Variants in TIAM1 observed in about 807,000 individuals in gnomAD.
TIAM1 encodes the protein rho guanine nucleotide exchange factor TIAM1.
A neutral mutation model predicts 163.5 loss-of-function variants in TIAM1; 65 were observed. That is an observed-to-expected ratio of 0.40 (90% confidence interval 0.33 to 0.49). TIAM1 has a LOEUF of 0.49. Ranked by LOEUF, TIAM1 falls within the 20% of genes least tolerant of loss-of-function variation. The pLI is 0.77. For missense variants in TIAM1, 1,789 were observed against 2,044.7 expected, an observed-to-expected ratio of 0.87 and a Z score of 2.41; for synonymous variants, 833 against 810.1, an observed-to-expected ratio of 1.03 and a Z score of -0.48.
chr21:31,552,949 G>C (rs528744733), intron 1 of TIAM1, among the ~76,000 whole-genome samples: 1 of 152,282 alleles, frequency 6.6e-6, no homozygotes, highest in East Asian at 1.9e-4. Context: ...GGAAGTGCAC[G>C]TGGCACCGCC....
intron 1 of TIAM1, among the ~76,000 whole-genome samples, chr21:31,542,689 G>A (rs573036893): frequency 2.0e-5 from 3 of 151,908 alleles, no homozygotes; most frequent in Non-Finnish European, 4.4e-5. Context: ...CCAGGTCCAC[G>A]GTTGGGCACA....
chr21:31,529,155 C>G (rs189787188), intron 1 of TIAM1, among the ~76,000 whole-genome samples: 1,519 of 151,740 alleles, frequency 0.01, 26 homozygotes, highest in African/African-American at 0.035. Flanking sequence ...TCCTGACCTC[C>G]TGATCTGCCC....
chr21:31,484,699 T>C (rs898020923), intron 1 of TIAM1, among the ~76,000 whole-genome samples: 5 of 152,166 alleles, frequency 3.3e-5, no homozygotes, highest in African/African-American at 9.7e-5. Context: ...CCTGAGAGAC[T>C]TTCTAGGACC....
chr21:31,389,853 A>G (rs111275440), intron 2 of TIAM1, among the ~76,000 whole-genome samples: 71 of 152,314 alleles, frequency 4.7e-4, no homozygotes, highest in African/African-American at 1.4e-3. Flanking sequence ...TTATAACTAT[A>G]AATGTCAAGC....
chr21:31,419,536 T>C (rs2043491965), intron 2 of TIAM1, among the ~76,000 whole-genome samples: 1 of 152,194 alleles, frequency 6.6e-6, no homozygotes, highest in African/African-American at 2.4e-5. Context: ...GATGACAGCA[T>C]TTAAAACCCT....
chr21:31,306,763 T>C (rs1193653021), intron 2 of TIAM1, among the ~76,000 whole-genome samples: 1 of 152,208 alleles, frequency 6.6e-6, no homozygotes, highest in Non-Finnish European at 1.5e-5. Flanking sequence ...TGTGCAACTG[T>C]TCCTGACTGA....
chr21:31,236,859 A>G (rs1037090091), intron 6 of TIAM1, among the ~76,000 whole-genome samples: 1 of 152,172 alleles, frequency 6.6e-6, no homozygotes, highest in African/African-American at 2.4e-5. Flanking sequence ...GCTTACAAGT[A>G]AGAACAGGGA....
chr21:31,217,778 C>G, intron 8 of TIAM1, 79 bp from the exon 9 acceptor site: 1 of 1,524,064 alleles, frequency 6.6e-7, no homozygotes, highest in East Asian at 2.3e-5. Context: ...CCCGTAAGTC[C>G]CACCCTTCAA....
At chr21:31,545,973 C>G (rs997530357) in intron 1 of TIAM1, among the ~76,000 whole-genome samples, 1 of 151,930 alleles carries the variant, frequency 6.6e-6, no homozygotes. Context: ...ATACAAGTAA[C>G]TACTACTCAT....
intron 6 of TIAM1, among the ~76,000 whole-genome samples, chr21:31,241,903 G>A (rs2071201253): frequency 1.3e-5 from 2 of 151,838 alleles, no homozygotes; most frequent in Non-Finnish European, 2.9e-5. Flanking sequence ...CCAGCTACTT[G>A]AGAGGCTAAG....
intron 2 of TIAM1, among the ~76,000 whole-genome samples, chr21:31,360,336 T>A (rs2076388011): frequency 6.6e-6 from 1 of 151,818 alleles, no homozygotes; most frequent in African/African-American, 2.4e-5. Flanking sequence ...AAGAAAAAAA[T>A]TTACTATATA....
chr21:31,180,870 G>A lies in TIAM1; in HGVS notation c.2887+1551C>T, dbSNP rs1568979015. On this transcript the variant is annotated intron_variant, in intron 15 of 27. Coordinates refer to ENST00000541036, the MANE Select transcript of TIAM1 (RefSeq NM_001353694.2). Reference sequence around the variant, plus strand: ...ACATAATGAGTCAAGGAAGTCAACTGTAACTGAGAGCAATCAATTTTCTGA... The same window carrying A: ...ACATAATGAGTCAAGGAAGTCAACTATAACTGAGAGCAATCAATTTTCTGA... Among the ~76,000 whole-genome samples, 7 of 152,238 alleles carry A rather than the reference G, an allele frequency of 4.6e-5. No homozygotes were observed. In the South Asian group the frequency reaches 1.2e-3, roughly 27 times the overall value.
At position 31,140,427 on chromosome 21, in the gene TIAM1, T is replaced by C. The variant is rs567810272; in HGVS notation, c.3774+691A>G. Among the ~76,000 whole-genome samples the C allele has an allele frequency of 2.6e-4, 40 of 152,364 alleles. No homozygotes were observed. In the Middle Eastern group the frequency reaches 0.01, roughly 39 times the overall value. On this transcript the variant is annotated intron_variant, in intron 22 of 27. Transcript: ENST00000541036. ...ATCCCTATGATTCCTCTAAGTATTA[T>C]TGGCATTTTGTAATTGAAAAATAAT...
chr21:31,150,543 A>G (rs1022373263), intron 19 of TIAM1, among the ~76,000 whole-genome samples: 4 of 152,242 alleles, frequency 2.6e-5, no homozygotes, highest in Non-Finnish European at 5.9e-5. Flanking sequence ...CACACAAATT[A>G]ACTTTGATTC....
intron 16 of TIAM1, among the ~76,000 whole-genome samples, chr21:31,154,816 A>G (rs1042244097): frequency 6.6e-6 from 1 of 152,196 alleles, no homozygotes; most frequent in Non-Finnish European, 1.5e-5. Context: ...CCAAGCAAGA[A>G]GTCGATAAAT....
chr21:31,211,045 G>C (rs1215654298), intron 10 of TIAM1, among the ~76,000 whole-genome samples: 1 of 151,766 alleles, frequency 6.6e-6, no homozygotes, highest in African/African-American at 2.4e-5. Context: ...CCTTCAGCAC[G>C]ACCCGGCGCC....
intron 2 of TIAM1, among the ~76,000 whole-genome samples, chr21:31,300,592 T>A (rs1269099341): frequency 6.6e-6 from 1 of 152,224 alleles, no homozygotes; most frequent in Non-Finnish European, 1.5e-5. Flanking sequence ...GACCACTGAC[T>A]TGTAAAGTAA....
intron 1 of TIAM1, among the ~76,000 whole-genome samples, chr21:31,476,310 T>C (rs1009762850): frequency 6.6e-6 from 1 of 152,244 alleles, no homozygotes; most frequent in African/African-American, 2.4e-5. Context: ...ACACCATTGA[T>C]ATTTGTGCTG....
At chr21:31,215,769 A>G (rs1485565641) in intron 9 of TIAM1, among the ~76,000 whole-genome samples, 1 of 152,136 alleles carries the variant, frequency 6.6e-6, no homozygotes, top group Non-Finnish European at 1.5e-5. Context: ...CAAAGATCAC[A>G]AGACAAACTG....
Sources: gnomAD v4.1 joint callset for allele counts (sites outside exome capture counted in the v4.1 genomes callset) on GRCh38, gnomAD v4.1.1 for gene constraint, MANE v1.5 for transcripts, NCBI Gene and HGNC (gene_info 2026-07-23, HGNC 2026-07-21) for gene names.